ADK: variants seen among roughly 807,000 people sequenced by gnomAD.
The protein encoded by ADK is N6,N6-dimethyladenosine kinase.
Under a neutral mutation model 44.7 loss-of-function variants are expected in ADK, and 24 were observed. That is an observed-to-expected ratio of 0.54 (90% CI 0.39 to 0.76). The LOEUF (loss-of-function observed/expected upper bound fraction) is 0.76. Ranked by LOEUF, ADK falls within the 30% of genes least tolerant of loss-of-function variation. The pLI, the probability that ADK is intolerant of heterozygous loss-of-function variation, is 0.00. For missense variants in ADK, 321 were observed against 425.1 expected (o/e 0.76, Z 2.15); for synonymous variants, 128 against 142.6 (o/e 0.90, Z 0.73).
intron 7 of ADK, among the ~76,000 whole-genome samples, chr10:74,548,194 A>C (rs542987048): frequency 8.2e-4 from 125 of 152,268 alleles, no homozygotes; most frequent in Admixed American, 1.2e-3. Flanking sequence ...CTAGTGTTGG[A>C]AATTTTTACT....
chr10:74,623,082 T>G (rs531588502), intron 9 of ADK, among the ~76,000 whole-genome samples: 1 of 152,140 alleles, frequency 6.6e-6, no homozygotes, highest in Non-Finnish European at 1.5e-5. Context: ...TTCCATACCA[T>G]GTTAACTCAT....
chr10:74,156,067 A>G (rs1476263726), intron 1 of ADK, among the ~76,000 whole-genome samples: 2 of 152,120 alleles, frequency 1.3e-5, no homozygotes, highest in Admixed American at 6.6e-5. Flanking sequence ...TTCCTGGGCA[A>G]TATATACTAG....
At chr10:74,160,711 G>GTGTGTGTA (rs952214721) in intron 1 of ADK, among the ~76,000 whole-genome samples, 14 of 150,134 alleles carry the variant, frequency 9.3e-5, no homozygotes, top group Non-Finnish European at 1.8e-4. Context: ...GTGTGTGTGT[G>GTGTGTGTA]TGTGTGTATG....
chr10:74,707,406 A>G (rs1444421232), intron 10 of ADK, among the ~76,000 whole-genome samples: 2 of 152,102 alleles, frequency 1.3e-5, no homozygotes, highest in African/African-American at 4.8e-5. Context: ...AGTATAGATA[A>G]TTTACTTTTG....
intron 7 of ADK, among the ~76,000 whole-genome samples, chr10:74,542,750 A>G (rs1449388309): frequency 6.6e-6 from 1 of 152,042 alleles, no homozygotes; most frequent in African/African-American, 2.4e-5. Flanking sequence ...ATTTTACTGT[A>G]TCTTCTTTGT....
At chr10:74,426,818 G>A (rs1844812809) in intron 6 of ADK, among the ~76,000 whole-genome samples, 1 of 151,488 alleles carries the variant, frequency 6.6e-6, no homozygotes, top group Non-Finnish European at 1.5e-5. Context: ...TATACTTTAA[G>A]TTCTGGGATA....
intron 2 of ADK, among the ~76,000 whole-genome samples, chr10:74,216,281 A>C (rs2132210886): frequency 6.6e-6 from 1 of 152,294 alleles, no homozygotes; most frequent in Admixed American, 6.5e-5. Flanking sequence ...AATATCTCTT[A>C]GTCATTAAAT....
In ADK at chr10:74,532,145, A is replaced by G. The variant is rs145765981; in HGVS notation, c.726+6719A>G. ...GTAATTAAATATGTTAAGACTAAAA[A>G]GAAAAATCACATGATTATCCTAAAA... is the stretch of plus-strand genomic sequence containing the variant. On this transcript the variant is annotated intron_variant, in intron 7 of 10. Coordinates refer to ENST00000539909, the MANE Select transcript of ADK (RefSeq NM_006721.4). Among the ~76,000 whole-genome samples the G allele has an allele frequency of 9.8e-5, 15 of 152,342 alleles. No homozygotes were observed. The East Asian group carries it at 2.1e-3, about 22-fold the overall frequency.
intron 4 of ADK, among the ~76,000 whole-genome samples, chr10:74,360,411 T>C (rs933693864): frequency 1.3e-5 from 2 of 152,218 alleles, no homozygotes; most frequent in African/African-American, 4.8e-5. Context: ...TTATTTGGTC[T>C]AGAGTATAGT....
At chr10:74,592,845 T>A (rs1328920308) in intron 8 of ADK, among the ~76,000 whole-genome samples, 1 of 152,206 alleles carries the variant, frequency 6.6e-6, no homozygotes, top group African/African-American at 2.4e-5. Flanking sequence ...AATTTAAAAT[T>A]CATCACTTCT....
chr10:74,523,695 T>C (rs926051433), intron 6 of ADK, among the ~76,000 whole-genome samples: 19 of 152,184 alleles, frequency 1.2e-4, no homozygotes, highest in Non-Finnish European at 1.0e-4. Flanking sequence ...CTAAGCCAGA[T>C]CTTATTCTGG....
At chr10:74,168,412 C>T (rs1161138093) in intron 1 of ADK, among the ~76,000 whole-genome samples, 4 of 151,172 alleles carry the variant, frequency 2.6e-5, no homozygotes, top group South Asian at 2.1e-4. Context: ...TGGTGGCATG[C>T]GCTGTAGTTC....
chr10:74,485,190 A>G (rs1386991673), intron 6 of ADK, among the ~76,000 whole-genome samples: 5 of 152,362 alleles, frequency 3.3e-5, no homozygotes, highest in African/African-American at 1.2e-4. Flanking sequence ...ATCAATATGG[A>G]AAAGACAACA....
intron 6 of ADK, among the ~76,000 whole-genome samples, chr10:74,470,952 TA>T (rs1420418429): frequency 3.9e-5 from 6 of 152,310 alleles, no homozygotes; most frequent in Admixed American, 1.3e-4. Context: ...ATTTTGAGTT[TA>T]TTTTTATATA....
chr10:74,707,093 T>C (rs183375050), intron 10 of ADK, among the ~76,000 whole-genome samples: 1 of 152,320 alleles, frequency 6.6e-6, no homozygotes, highest in Admixed American at 6.5e-5. Context: ...TGGGGTGCAG[T>C]GATATGATCA....
At chr10:74,520,602 AAAG>A (rs1848778694) in intron 6 of ADK, among the ~76,000 whole-genome samples, 1 of 152,006 alleles carries the variant, frequency 6.6e-6, no homozygotes, top group Admixed American at 6.6e-5. Context: ...GTAAAAAAAA[AAAG>A]AGCAAAAAGG....
intron 6 of ADK, among the ~76,000 whole-genome samples, chr10:74,398,809 T>G (rs1481716483): frequency 6.6e-6 from 1 of 152,072 alleles, no homozygotes; most frequent in Non-Finnish European, 1.5e-5. Flanking sequence ...TTTGGATACA[T>G]TATGCATAGG....
chr10:74,383,501 C>T (rs1243262683), intron 4 of ADK, among the ~76,000 whole-genome samples: 1 of 152,036 alleles, frequency 6.6e-6, no homozygotes, highest in Non-Finnish European at 1.5e-5. Context: ...TCCCCTAATT[C>T]CTATTTGTAG....
intron 7 of ADK, among the ~76,000 whole-genome samples, chr10:74,570,930 T>C (rs1239391073): frequency 7.9e-5 from 12 of 152,224 alleles, no homozygotes; most frequent in Non-Finnish European, 1.8e-4. Context: ...GGGTTTGTCA[T>C]AGATAGCTGT....
Sources: gnomAD v4.1 joint callset for allele counts (sites outside exome capture counted in the v4.1 genomes callset) on GRCh38, gnomAD v4.1.1 for gene constraint, MANE v1.5 for transcripts, NCBI Gene and HGNC (gene_info 2026-07-23, HGNC 2026-07-21) for gene names.